Variants in SLC44A5 observed in about 807,000 individuals in gnomAD.
SLC44A5 encodes the protein solute carrier family 44 member 5.
In SLC44A5, 57 loss-of-function variants were observed where a neutral mutation model predicts 101.8. That is an observed-to-expected ratio of 0.56 (90% CI 0.45 to 0.70). The LOEUF (loss-of-function observed/expected upper bound fraction) is 0.70, where lower values mean the gene tolerates loss of function less well. SLC44A5 is among the 30% of genes least tolerant of loss of function. The pLI, the probability that SLC44A5 is intolerant of heterozygous loss-of-function variation, is 0.00. For missense variants in SLC44A5, 737 were observed against 853.1 expected (o/e 0.86, Z 1.70); for synonymous variants, 281 against 290.9 (o/e 0.97, Z 0.35).
intron 1 of SLC44A5, among the ~76,000 whole-genome samples, chr1:75,590,089 G>A (rs559039053): frequency 6.6e-6 from 1 of 152,040 alleles, no homozygotes; most frequent in South Asian, 2.1e-4. Context: ...ACACCAGCTG[G>A]GGTAACCAAG....
At chr1:75,496,600 A>G (rs1387993450) in intron 2 of SLC44A5, among the ~76,000 whole-genome samples, 1 of 147,158 alleles carries the variant, frequency 6.8e-6, no homozygotes. Context: ...AAGGAAACAG[A>G]CAACAACAAC....
At chr1:75,608,941 T>C (rs1490863046) in intron 1 of SLC44A5, among the ~76,000 whole-genome samples, 1 of 151,946 alleles carries the variant, frequency 6.6e-6, no homozygotes, top group Non-Finnish European at 1.5e-5. Context: ...ATATCAACAA[T>C]GTATTCATGC....
chr1:75,407,278 T>C (rs1242990618), intron 2 of SLC44A5, among the ~76,000 whole-genome samples: 1 of 152,100 alleles, frequency 6.6e-6, no homozygotes, highest in Non-Finnish European at 1.5e-5. Flanking sequence ...AAAATGGCCA[T>C]ACTGCCCAAA....
chr1:75,634,611 T>C, the SLC44A5 span, among the ~76,000 whole-genome samples: 107 of 151,588 alleles, frequency 7.1e-4, no homozygotes, highest in South Asian at 1.3e-3. Context: ...GCTAGACATA[T>C]GTAGAAAGCT....
At chr1:75,345,545 T>C (rs1658190774) in intron 3 of SLC44A5, among the ~76,000 whole-genome samples, 1 of 152,168 alleles carries the variant, frequency 6.6e-6, no homozygotes, top group Non-Finnish European at 1.5e-5. Flanking sequence ...ACTTGTTGAA[T>C]TGACACGTTG....
intron 4 of SLC44A5, among the ~76,000 whole-genome samples, chr1:75,302,032 C>T (rs1288966153): frequency 2.0e-5 from 3 of 149,394 alleles, no homozygotes; most frequent in South Asian, 2.1e-4. Context: ...TAGTTTCAAC[C>T]CAGGAATTTT....
Position 75,213,978 on chromosome 1 carries a change from G to C in SLC44A5, c.1814C>G (p.Thr605Arg), listed in dbSNP as rs1288915588. The C allele has an allele frequency of 6.3e-7, 1 of 1,586,460 alleles. No individual in the cohort carries two copies. The highest frequency in any genetic ancestry group is 8.6e-7 in the Non-Finnish European group (1 of 1,161,696). ...TAATACAAAGTATGTAACTTCATCT[G>C]TAACTGCAACTCTGAGTATCAGAAA... ...LMRNVLKVAV[T>R]DEVTYFVLFL... The change falls in exon 21 of 24, where the codon ACA (threonine) becomes AGA (arginine). Residue 605 changes from threonine (T) to arginine (R), a missense_variant. Coordinates refer to ENST00000370859, the MANE Select transcript of SLC44A5 (RefSeq NM_001130058.2).
intron 2 of SLC44A5, among the ~76,000 whole-genome samples, chr1:75,498,234 C>T (rs1444204151): frequency 2.0e-5 from 3 of 152,082 alleles, no homozygotes; most frequent in African/African-American, 7.2e-5. Context: ...GGTTTTAGGT[C>T]TATGTTTCCC....
In SLC44A5 at chr1:75,553,601, G is replaced by T. The variant is rs138079936; in HGVS notation, c.-69-12085C>A. ...TCCAGAGCTAGGGAATGGGGGAGAA[G>T]GGAGGAAAGAAAGGTATGTCAATAA... is the stretch of plus-strand genomic sequence containing the variant. On this transcript the variant is annotated intron_variant, in intron 1 of 23. Transcript: ENST00000370859. 1.6e-4 allele frequency among the ~76,000 whole-genome samples: 25 copies of T among 152,278 alleles called. No individual in the cohort carries two copies. In the East Asian group the frequency reaches 4.8e-3, roughly 29 times the overall value.
intron 1 of SLC44A5, among the ~76,000 whole-genome samples, chr1:75,574,819 G>A (rs1195614260): frequency 6.6e-6 from 1 of 152,188 alleles, no homozygotes; most frequent in Non-Finnish European, 1.5e-5. Context: ...GGAGAAGACT[G>A]AGTATCCATT....
chr1:75,560,952 A>C (rs1457918271), intron 1 of SLC44A5, among the ~76,000 whole-genome samples: 1 of 152,180 alleles, frequency 6.6e-6, no homozygotes, highest in Non-Finnish European at 1.5e-5. Flanking sequence ...CTATTTAGCT[A>C]CATCTGATGT....
chr1:75,705,519 A>T, the SLC44A5 span, among the ~76,000 whole-genome samples: 138,082 of 152,264 alleles, frequency 0.91, 62,813 homozygotes, highest in Middle Eastern at 0.94. Flanking sequence ...CTGCTTTATT[A>T]CTATACTCAC....
the SLC44A5 span, among the ~76,000 whole-genome samples, chr1:75,680,752 A>T: frequency 1.3e-5 from 2 of 151,942 alleles, no homozygotes; most frequent in African/African-American, 4.8e-5. Flanking sequence ...GGCAAGACCT[A>T]ACTAAAATCA....
chr1:75,432,125 T>C (rs1403078493), intron 2 of SLC44A5, among the ~76,000 whole-genome samples: 1 of 152,192 alleles, frequency 6.6e-6, no homozygotes, highest in Middle Eastern at 3.2e-3. Context: ...TTGTCAACTT[T>C]GATCTCTCCT....
intron 5 of SLC44A5, among the ~76,000 whole-genome samples, chr1:75,295,617 C>A (rs909603117): frequency 1.3e-5 from 2 of 152,190 alleles, no homozygotes; most frequent in Non-Finnish European, 2.9e-5. Context: ...AGTTTGGATG[C>A]AGCCATTCTG....
At chr1:75,211,929 C>A (rs1198836916) in intron 22 of SLC44A5, among the ~76,000 whole-genome samples, 1 of 139,996 alleles carries the variant, frequency 7.1e-6, no homozygotes, top group Non-Finnish European at 1.5e-5. Flanking sequence ...TTTCTTCTTT[C>A]TTTCTTTTTC....
At chr1:75,471,071 A>G (rs1361720158) in intron 2 of SLC44A5, among the ~76,000 whole-genome samples, 1 of 152,162 alleles carries the variant, frequency 6.6e-6, no homozygotes, top group Non-Finnish European at 1.5e-5. Flanking sequence ...GAGGGCTCAG[A>G]CAAATTTATT....
chr1:75,451,955 G>A (rs529259845), intron 2 of SLC44A5, among the ~76,000 whole-genome samples: 18 of 152,214 alleles, frequency 1.2e-4, no homozygotes, highest in African/African-American at 2.9e-4. Context: ...GCCAAGAAGC[G>A]ATACAACCTG....
At chr1:75,233,211 ATTGTAT>A (rs1467212328) in intron 12 of SLC44A5, among the ~76,000 whole-genome samples, 1 of 152,128 alleles carries the variant, frequency 6.6e-6, no homozygotes, top group East Asian at 1.9e-4. Flanking sequence ...GATTTTAAAA[ATTGTAT>A]TTGTATAAAT....
Sources: allele counts gnomAD v4.1 joint callset (sites outside exome capture counted in the v4.1 genomes callset), GRCh38; gene constraint gnomAD v4.1.1; transcripts MANE v1.5; gene names NCBI Gene and HGNC (gene_info 2026-07-23, HGNC 2026-07-21).